SLC25A21: variants seen among roughly 807,000 people sequenced by gnomAD.
The protein encoded by SLC25A21 is solute carrier family 25 member 21, also known as mitochondrial 2-oxodicarboxylate carrier.
Under a neutral mutation model 43.8 loss-of-function variants are expected in SLC25A21, and 47 were observed. The ratio of observed to expected loss-of-function variants is 1.07; its 90% CI spans 0.85 to 1.37. The LOEUF (loss-of-function observed/expected upper bound fraction) is 1.37. SLC25A21 is among the 40% of genes most tolerant of loss of function. The pLI is 0.00. For missense variants in SLC25A21, 352 were observed against 350.2 expected, an observed-to-expected ratio of 1.00 and a Z score of -0.04; for synonymous variants, 131 against 121.3, an observed-to-expected ratio of 1.08 and a Z score of -0.52.
intron 1 of SLC25A21, among the ~76,000 whole-genome samples, chr14:36,957,361 C>T (rs1198281416): frequency 2.0e-5 from 3 of 152,210 alleles, no homozygotes; most frequent in Non-Finnish European, 4.4e-5. Flanking sequence ...TAGGGTGAAA[C>T]AGGCTGAATG....
At chr14:37,125,027 T>C (rs938930810) in intron 1 of SLC25A21, among the ~76,000 whole-genome samples, 3 of 152,194 alleles carry the variant, frequency 2.0e-5, no homozygotes, top group Non-Finnish European at 4.4e-5. Context: ...TATTTCTTCA[T>C]AGCAATGTGA....
rs781088089 is a variant in SLC25A21, at chr14:36,725,689, AAATC to A, written c.331-16_331-13del. 13 of 1,558,950 alleles carry A rather than the reference AAATC, an allele frequency of 8.3e-6. No homozygotes were observed. On this transcript the variant is annotated splice_polypyrimidine_tract_variant and intron_variant, in intron 5 of 9. Transcript: ENST00000331299. ...GCAATGGCGAATGTCTAGAAAAATT[AAATC>A]AATCAATACTTTAAAACAAGTTATC...
At chr14:36,716,976 C>T (rs754564919) in intron 6 of SLC25A21, among the ~76,000 whole-genome samples, 2 of 152,126 alleles carry the variant, frequency 1.3e-5, no homozygotes, top group African/African-American at 2.4e-5. Flanking sequence ...GGTGTTGTAC[C>T]GGATTTCATC....
intron 1 of SLC25A21, among the ~76,000 whole-genome samples, chr14:37,109,244 G>A (rs1295528453): frequency 6.6e-6 from 1 of 152,066 alleles, no homozygotes; most frequent in Non-Finnish European, 1.5e-5. Context: ...TGGAGATTAC[G>A]ATGGTGTGCG....
chr14:37,081,624 G>T lies in SLC25A21; in HGVS notation c.70+90657C>A, dbSNP rs571081737. ...ATTATTAAGCCCAAAACCATTATTG[G>T]CTTAACAGTTTTGTTGCTTTATATT... On this transcript the variant is annotated intron_variant, in intron 1 of 9. Coordinates refer to ENST00000331299, the MANE Select transcript of SLC25A21 (RefSeq NM_030631.4). Among the ~76,000 whole-genome samples, 502 of 152,262 alleles carry T rather than the reference G, an allele frequency of 3.3e-3. 3 individuals carry two copies. The highest frequency in any genetic ancestry group is 0.012 in the African/African-American group (484 of 41,550).
rs143229134 is a variant in SLC25A21 at position 36,698,857 on chromosome 14, G to T, written c.603+12461C>A. ...TTTTTAGCTTCCTTGCGATGGGTTC[G>T]AATATCCTCGTTTAGCTCAGAGAAG... is the stretch of plus-strand genomic sequence containing the variant. On this transcript the variant is annotated intron_variant, in intron 7 of 9. Coordinates refer to ENST00000331299, the MANE Select transcript of SLC25A21 (RefSeq NM_030631.4). Among the ~76,000 whole-genome samples, 1,096 of 152,168 alleles carry T rather than the reference G, an allele frequency of 7.2e-3. 12 individuals carry two copies. Among genetic ancestry groups the T allele is most frequent in the African/African-American group, 0.025 (1,037 of 41,516 alleles).
chr14:36,780,628 A>AT (rs1347138461), intron 3 of SLC25A21, among the ~76,000 whole-genome samples: 2 of 151,828 alleles, frequency 1.3e-5, no homozygotes, highest in Non-Finnish European at 2.9e-5. Flanking sequence ...TTATTTGTGA[A>AT]TTTTCTGGTT....
In SLC25A21 at chr14:36,998,298, C is replaced by T. The variant is rs567414692; in HGVS notation, c.71-123294G>A. On this transcript the variant is annotated intron_variant, in intron 1 of 9. Coordinates refer to ENST00000331299, the MANE Select transcript of SLC25A21 (RefSeq NM_030631.4). ...AGAACACTTATTTCATGGATTGTCTCTCAAATTTAGAGTAACAGAAAATAT... is the reference window on the plus strand; with the variant it reads ...AGAACACTTATTTCATGGATTGTCTTTCAAATTTAGAGTAACAGAAAATAT... Among the ~76,000 whole-genome samples, 89 of 152,224 alleles carry T rather than the reference C, an allele frequency of 5.8e-4. 2 individuals carry two copies. The South Asian group carries it at 0.018, about 31-fold the overall frequency.
At chr14:36,957,357 G>A (rs1959367418) in intron 1 of SLC25A21, among the ~76,000 whole-genome samples, 1 of 151,806 alleles carries the variant, frequency 6.6e-6, no homozygotes, top group Non-Finnish European at 1.5e-5. Context: ...ATGCTAGGGT[G>A]AAACAGGCTG....
At chr14:37,007,600 A>AAAT (rs140657266) in intron 1 of SLC25A21, among the ~76,000 whole-genome samples, 45,610 of 147,850 alleles carry the variant, frequency 0.31, 8,572 homozygotes, top group African/African-American at 0.53. Flanking sequence ...TCCCTCTCAA[A>AAAT]AATAATAATA....
At chr14:37,165,996 C>T (rs987877039) in intron 1 of SLC25A21, among the ~76,000 whole-genome samples, 2 of 152,108 alleles carry the variant, frequency 1.3e-5, no homozygotes, top group Non-Finnish European at 2.9e-5. Flanking sequence ...GCTGCTGAGA[C>T]CAGAGATCTT....
At chr14:36,772,807 A>G (rs1285054494) in intron 3 of SLC25A21, among the ~76,000 whole-genome samples, 1 of 152,216 alleles carries the variant, frequency 6.6e-6, no homozygotes, top group East Asian at 1.9e-4. Context: ...AGTGTTACAT[A>G]ATTTGGGGTG....
chr14:36,875,253 GAAAATTTAA>G (rs1270033140), intron 1 of SLC25A21, among the ~76,000 whole-genome samples: 3 of 152,106 alleles, frequency 2.0e-5, no homozygotes, highest in Non-Finnish European at 4.4e-5. Context: ...GGAGGGGAAA[GAAAATTTAA>G]AAAATAATCA....
intron 4 of SLC25A21, 38 bp downstream of exon 4, chr14:36,734,468 GC>G: frequency 6.6e-7 from 1 of 1,523,526 alleles, no homozygotes; most frequent in Non-Finnish European, 9.0e-7. Flanking sequence ...CTGTTACTGT[GC>G]CCTACTTTTG....
At chr14:36,729,201 T>A (rs1884719859) in intron 5 of SLC25A21, among the ~76,000 whole-genome samples, 1 of 152,242 alleles carries the variant, frequency 6.6e-6, no homozygotes, top group Non-Finnish European at 1.5e-5. Context: ...AGTATGTATG[T>A]AAATACATGC....
chr14:36,991,566 T>C (rs1198897214), intron 1 of SLC25A21, among the ~76,000 whole-genome samples: 1 of 152,162 alleles, frequency 6.6e-6, no homozygotes, highest in East Asian at 1.9e-4. Context: ...CTTAAAGCAT[T>C]CACAAGAACC....
In SLC25A21 at chr14:36,887,040, T is replaced by C. The variant is rs185905471; in HGVS notation, c.71-12036A>G. Among the ~76,000 whole-genome samples, 302 of 152,246 alleles carry C rather than the reference T, an allele frequency of 2.0e-3. 3 individuals carry two copies. The highest frequency in any genetic ancestry group is 7.9e-3 in the South Asian group (38 of 4,822). ...GCAGAAGGAAAAATTCTTTTGAGTA[T>C]ATAAAATGTCTTTAAAGAGAAGGAA... On this transcript the variant is annotated intron_variant, in intron 1 of 9. Transcript: ENST00000331299.
chr14:36,908,905 G>A (rs1194419596), intron 1 of SLC25A21, among the ~76,000 whole-genome samples: 2 of 152,178 alleles, frequency 1.3e-5, no homozygotes, highest in Non-Finnish European at 2.9e-5. Flanking sequence ...GATTTACTAT[G>A]CTTTGAGTCT....
chr14:37,003,442 T>C (rs926986716), intron 1 of SLC25A21, among the ~76,000 whole-genome samples: 2 of 152,204 alleles, frequency 1.3e-5, no homozygotes, highest in Non-Finnish European at 2.9e-5. Context: ...ACTAAAACTA[T>C]GGAAAGCAAA....
Sources: gnomAD v4.1 joint callset for allele counts (sites outside exome capture counted in the v4.1 genomes callset) on GRCh38, gnomAD v4.1.1 for gene constraint, MANE v1.5 for transcripts, NCBI Gene and HGNC (gene_info 2026-07-23, HGNC 2026-07-21) for gene names.